MED12L: variants seen among roughly 807,000 people sequenced by gnomAD.
MED12L encodes the protein mediator of RNA polymerase II transcription subunit 12-like protein.
MED12L carries 60 observed loss-of-function variants against 281.3 expected under a neutral mutation model. The observed-to-expected ratio is 0.21, with a 90% CI of 0.17 to 0.26. The LOEUF is 0.26. Among genes scored for constraint, MED12L ranks in the 10% least tolerant of loss-of-function variants. The pLI, the probability that MED12L is intolerant of heterozygous loss-of-function variation, is 1.00. For missense variants in MED12L, 2,146 were observed against 2,680.9 expected (o/e 0.80, Z 4.41); for synonymous variants, 974 against 987.2 (o/e 0.99, Z 0.25).
chr3:151,363,127 CACACAGTGA>C (rs1169709790), intron 21 of MED12L, among the ~76,000 whole-genome samples: 7 of 152,004 alleles, frequency 4.6e-5, no homozygotes, highest in Non-Finnish European at 2.9e-5. Context: ...AGGGTACCAG[CACACAGTGA>C]ATAGAGTAAT....
intron 16 of MED12L, among the ~76,000 whole-genome samples, chr3:151,244,387 T>C (rs1298409289): frequency 2.3e-5 from 3 of 132,564 alleles, no homozygotes; most frequent in Admixed American, 8.0e-5. Context: ...CCTCAGCAAA[T>C]GTAAAAGAAC....
At chr3:151,210,885 C>T (rs1250169956) in intron 16 of MED12L, among the ~76,000 whole-genome samples, 4 of 152,236 alleles carry the variant, frequency 2.6e-5, no homozygotes, top group Non-Finnish European at 5.9e-5. Context: ...TGTTTCCTTA[C>T]AGCTGTGTTT....
intron 2 of MED12L, among the ~76,000 whole-genome samples, chr3:151,104,635 T>C (rs1377896260): frequency 4.6e-5 from 7 of 152,196 alleles, no homozygotes; most frequent in African/African-American, 1.4e-4. Context: ...CTCCCCTACC[T>C]GTATGTTTTC....
intron 3 of MED12L, among the ~76,000 whole-genome samples, chr3:151,119,404 G>A (rs972891780): frequency 3.3e-5 from 5 of 152,148 alleles, no homozygotes; most frequent in African/African-American, 9.7e-5. Context: ...CTCCAGATGC[G>A]TCTCTCCTTG....
At chr3:151,100,537 G>A (rs574534345) in intron 2 of MED12L, among the ~76,000 whole-genome samples, 1 of 152,316 alleles carries the variant, frequency 6.6e-6, no homozygotes, top group Admixed American at 6.5e-5. Context: ...CTGTGGCTGA[G>A]GCAGTGCTAA....
At chr3:151,318,980 G>A (rs1225431779) in intron 16 of MED12L, among the ~76,000 whole-genome samples, 5 of 152,158 alleles carry the variant, frequency 3.3e-5, no homozygotes, top group East Asian at 3.8e-4. Context: ...CAACGTGCCC[G>A]GGACGGTAGC....
chr3:151,129,303 C>T (rs1344391120), intron 5 of MED12L, among the ~76,000 whole-genome samples: 1 of 152,166 alleles, frequency 6.6e-6, no homozygotes, highest in Non-Finnish European at 1.5e-5. Context: ...AATTCTGTGG[C>T]TGCCATCTTT....
intron 39 of MED12L, among the ~76,000 whole-genome samples, chr3:151,398,549 C>A (rs1715270522): frequency 6.6e-6 from 1 of 152,162 alleles, no homozygotes; most frequent in Non-Finnish European, 1.5e-5. Context: ...ACAACAAGTG[C>A]TGAATAGCAT....
At position 151,269,397 on chromosome 3, in the gene MED12L, T is replaced by TCACACACACACACACACACACACACA. The variant is rs71801434; in HGVS notation, c.2250+75750_2250+75775dup. On this transcript the variant is annotated intron_variant, in intron 16 of 44. Transcript: ENST00000687756. The stretch of plus-strand genomic sequence containing the variant: ...CCTGGGCAACAAGAGTGAAACTCCA[T>TCACACACACACACACACACACACACA]CACACACACACACACACACACACAC... 4.8e-5 allele frequency: 7 copies of TCACACACACACACACACACACACACA among 144,616 alleles called. No individual in the cohort carries two copies. The East Asian group carries it at 8.2e-4, about 17-fold the overall frequency. 9.0% of individuals were successfully genotyped at this position (144,616 alleles called of 1,614,324 possible). A position where few individuals can be genotyped will look rare whatever the true frequency, so the allele number is the denominator to read the frequency against.
At chr3:151,411,228 G>T (rs948791675) in intron 40 of MED12L, 50 bp from the exon 41 acceptor site, 1 of 1,514,296 alleles carries the variant, frequency 6.6e-7, no homozygotes, top group East Asian at 2.3e-5. Flanking sequence ...TGATGGGAAA[G>T]CTAGGTGATA....
chr3:151,190,854 G>A lies in MED12L; in HGVS notation c.1891G>A (p.Ala631Thr), dbSNP rs748797446. The A allele has an allele frequency of 1.2e-6, 2 of 1,614,152 alleles. No homozygotes were observed. The highest frequency in any genetic ancestry group is 2.2e-5 in the South Asian group (2 of 91,082). The change falls in exon 14 of 45, where the codon GCC (alanine) becomes ACC (threonine). Residue 631 changes from alanine (A) to threonine (T), a missense_variant. Transcript: ENST00000687756. ...ATCTCGAGGAGATTTGTCAGTCACT[G>A]CCTCAACTCGGCCGCGGTCACCAGT... Reference protein sequence around the residue: ...LISRGDLSVTASTRPRSPVGE... With the variant: ...LISRGDLSVTTSTRPRSPVGE...
intron 16 of MED12L, among the ~76,000 whole-genome samples, chr3:151,291,453 C>T (rs566348495): frequency 6.6e-6 from 1 of 152,110 alleles, no homozygotes; most frequent in Non-Finnish European, 1.5e-5. Flanking sequence ...ATCAGTTTCT[C>T]TGAATGTCAG....
chr3:151,262,734 A>G (rs1057274294), intron 16 of MED12L, among the ~76,000 whole-genome samples: 6 of 148,682 alleles, frequency 4.0e-5, no homozygotes, highest in Non-Finnish European at 7.5e-5. Context: ...CACTAGGAAG[A>G]TAACAGGAAT....
chr3:151,358,281 A>T (rs1266895577), intron 20 of MED12L, among the ~76,000 whole-genome samples: 1 of 152,160 alleles, frequency 6.6e-6, no homozygotes, highest in Non-Finnish European at 1.5e-5. Context: ...GAATATTTAC[A>T]TATTAGAATT....
chr3:151,329,053 C>T, intron 16 of MED12L: 1 of 1,389,124 alleles, frequency 7.2e-7, no homozygotes, highest in Non-Finnish European at 9.8e-7. Context: ...ACAAAAAGCC[C>T]TTCATGATTT....
At chr3:151,093,549 A>T (rs1008480056) in intron 2 of MED12L, among the ~76,000 whole-genome samples, 2 of 152,146 alleles carry the variant, frequency 1.3e-5, no homozygotes, top group Non-Finnish European at 2.9e-5. Context: ...AATAAATACT[A>T]CTCGAAGTAT....
intron 25 of MED12L, among the ~76,000 whole-genome samples, chr3:151,368,662 T>TTCATTTCATG (rs1560087241): frequency 1.3e-4 from 7 of 52,378 alleles, no homozygotes; most frequent in Non-Finnish European, 2.3e-4. Flanking sequence ...TTCATTTCAT[T>TTCATTTCATG]TCATTTCATT....
rs374228645 is a variant in MED12L at position 151,355,387 on chromosome 3, C to G, written c.2517+148C>G. On this transcript the variant is annotated intron_variant, in intron 18 of 44. Transcript: ENST00000687756. ...AAGTATCTCAGACTATTGAGTAGTTCTTTTAAGTGTCAGGTTGCCTTCCTC... is the reference window on the plus strand; with the variant it reads ...AAGTATCTCAGACTATTGAGTAGTTGTTTTAAGTGTCAGGTTGCCTTCCTC... 2.5e-4 allele frequency: 140 copies of G among 560,094 alleles called. No individual in the cohort carries two copies. The South Asian group carries it at 2.6e-3, about 10-fold the overall frequency. The allele number at this position is 560,094 out of a possible 1,614,324, so 34.7% of individuals were successfully genotyped here.
intron 16 of MED12L, among the ~76,000 whole-genome samples, chr3:151,229,410 G>A (rs1731173627): frequency 6.9e-6 from 1 of 144,762 alleles, no homozygotes; most frequent in African/African-American, 2.6e-5. Flanking sequence ...GGGTTCAAGC[G>A]ATTCTCCTGC....
Sources: gnomAD v4.1 joint callset for allele counts (sites outside exome capture counted in the v4.1 genomes callset) on GRCh38, gnomAD v4.1.1 for gene constraint, MANE v1.5 for transcripts, NCBI Gene and HGNC (gene_info 2026-07-23, HGNC 2026-07-21) for gene names.